Variants in GPNMB observed in about 807,000 individuals in gnomAD.
The protein encoded by GPNMB is transmembrane glycoprotein NMB.
Under a neutral mutation model 57.3 loss-of-function variants are expected in GPNMB, and 71 were observed. That is an observed-to-expected ratio of 1.24 (90% CI 1.02 to 1.51). The LOEUF (loss-of-function observed/expected upper bound fraction) is 1.51, where lower values mean the gene tolerates loss of function less well. Ranked by LOEUF, GPNMB falls within the 40% of genes most tolerant of loss-of-function variation. The pLI is 0.00. For missense variants in GPNMB, 677 were observed against 691.9 expected (o/e 0.98, Z 0.24); for synonymous variants, 253 against 263.2 (o/e 0.96, Z 0.38).
intron 9 of GPNMB, among the ~76,000 whole-genome samples, chr7:23,272,534 C>G (rs1185852105): frequency 6.6e-6 from 1 of 152,118 alleles, no homozygotes; most frequent in African/African-American, 2.4e-5. Context: ...AATGAATGCT[C>G]AGAAGGAAAG....
At chr7:23,262,611 T>TCTC (rs1296501827) in intron 6 of GPNMB, among the ~76,000 whole-genome samples, 1 of 49,786 alleles carries the variant, frequency 2.0e-5, no homozygotes, top group Non-Finnish European at 3.6e-5. Context: ...CCATTCTCTT[T>TCTC]TTTTTTTTTT....
chr7:23,257,244 A>G, intron 4 of GPNMB, 179 bp downstream of exon 4: 2 of 650,730 alleles, frequency 3.1e-6, no homozygotes, highest in East Asian at 5.3e-5. Context: ...TAACCTTGCC[A>G]AATCTCCAGG....
chr7:23,273,644 A>G (rs531800146), intron 10 of GPNMB, 30 bp downstream of exon 10: 2 of 1,271,090 alleles, frequency 1.6e-6, no homozygotes, highest in South Asian at 2.4e-5. Context: ...GCTTTATATC[A>G]CTATAGTGTA....
At chr7:23,262,250 T>C (rs1156472240) in intron 6 of GPNMB, among the ~76,000 whole-genome samples, 1 of 152,238 alleles carries the variant, frequency 6.6e-6, no homozygotes, top group Non-Finnish European at 1.5e-5. Context: ...AGTTTATGCA[T>C]GTTCCTTAGT....
chr7:23,247,955 A>G (rs928555394), intron 1 of GPNMB: 2 of 152,310 alleles, frequency 1.3e-5, no homozygotes, highest in African/African-American at 4.8e-5. Flanking sequence ...GCCACGGGCC[A>G]CAGAGTGGGC....
chr7:23,249,113 G>T (rs1486069235), intron 1 of GPNMB, among the ~76,000 whole-genome samples: 2 of 152,064 alleles, frequency 1.3e-5, no homozygotes, highest in African/African-American at 4.8e-5. Flanking sequence ...GTAGAGACAG[G>T]GTTTTGCCAT....
chr7:23,266,299 G>A, intron 6 of GPNMB: 1 of 542,532 alleles, frequency 1.8e-6, no homozygotes, highest in Non-Finnish European at 3.3e-6. Context: ...GTGGGATTAT[G>A]CTTCCTTACA....
Position 23,260,440 on chromosome 7 carries a change from G to A in GPNMB, c.701-16G>A, listed in dbSNP as rs1562637632. The A allele has an allele frequency of 3.8e-6, 6 of 1,579,874 alleles. No homozygotes were observed. The highest frequency in any genetic ancestry group is 1.7e-5 in the Admixed American group (1 of 58,006). On this transcript the variant is annotated splice_polypyrimidine_tract_variant and intron_variant, in intron 5 of 10. Coordinates refer to ENST00000258733, the MANE Select transcript of GPNMB (RefSeq NM_002510.3). ...AATCATGCATTCTTTATTTCTTTGGGGGATGTATCTTTTAGATCAGATTCC... is the reference window on the plus strand; with the variant it reads ...AATCATGCATTCTTTATTTCTTTGGAGGATGTATCTTTTAGATCAGATTCC...
In GPNMB at chr7:23,260,590, A is replaced by G. The variant is rs781501299; in HGVS notation, c.835A>G (p.Ile279Val). ...DPSHFLNYST[I>V]NYKWSFGDNT... ...TAGCCACTTCCTCAATTATTCTACC[A>G]TTAACTACAAGTGGAGCTTCGGGGA... The change falls in exon 6 of 11, where the codon ATT becomes GTT. Residue 279 changes from isoleucine (I) to valine (V), a missense_variant. By Grantham distance (29) the Ile-to-Val change is conservative. Transcript: ENST00000258733. The G allele has an allele frequency of 2.5e-6, 4 of 1,613,890 alleles. No individual in the cohort carries two copies. The highest frequency in any genetic ancestry group is 1.7e-5 in the Admixed American group (1 of 60,002).
At chr7:23,247,267 A>G in intron 1 of GPNMB, 1 of 326,932 alleles carries the variant, frequency 3.1e-6, no homozygotes, top group South Asian at 3.0e-5. Flanking sequence ...TCCACCAACT[A>G]AACTATGTCC....
intron 3 of GPNMB, among the ~76,000 whole-genome samples, chr7:23,255,608 G>T (rs1464037150): frequency 2.0e-5 from 3 of 151,946 alleles, no homozygotes; most frequent in Non-Finnish European, 4.4e-5. Flanking sequence ...TCTATTTTTA[G>T]TTTTTTGAGG....
At chr7:23,273,724 A>G in intron 10 of GPNMB, 110 bp downstream of exon 10, 2 of 721,912 alleles carry the variant, frequency 2.8e-6, no homozygotes, top group Non-Finnish European at 4.8e-6. Context: ...CATTTTGTGT[A>G]GGGGAGGAAA....
At position 23,246,874 on chromosome 7, in the gene GPNMB, A is replaced by G. The variant is rs980223215; in HGVS notation, c.17A>G (p.Tyr6Cys). ...GAATTCAGCATGGAATGTCTCTACT[A>G]TTTCCTGGGATTTCTGCTCCTGGCT... is the stretch of plus-strand genomic sequence containing the variant. MECLY[Y>C]FLGFLLLAAR... The change falls in exon 1 of 11, where the codon TAT (tyrosine) becomes TGT (cysteine). Residue 6 changes from tyrosine to cysteine, a missense_variant. Physicochemically the swap from Tyr to Cys is radical, Grantham distance 194 (BLOSUM62 -2). Coordinates refer to ENST00000258733, the MANE Select transcript of GPNMB (RefSeq NM_002510.3). The G allele has an allele frequency of 2.5e-6, 4 of 1,613,718 alleles. No homozygotes were observed. Among genetic ancestry groups the G allele is most frequent in the Admixed American group, 1.7e-5 (1 of 59,998 alleles).
Position 23,254,199 on chromosome 7 carries a change from A to C in GPNMB, c.254A>C (p.Asp85Ala). ...CGTGTGCAGGCGGTCCTGACCAGTG[A>C]CTCACCAGCCCTCGTGGGCTCAAAT... is the stretch of plus-strand genomic sequence containing the variant. ...GGRVQAVLTS[D>A]SPALVGSNIT... Residue 85 changes from aspartate to alanine, a missense_variant, in exon 3 of 11, where the codon GAC (aspartate) becomes GCC (alanine). Asp to Ala is a moderately radical substitution (Grantham distance 126). Coordinates refer to ENST00000258733, the MANE Select transcript of GPNMB (RefSeq NM_002510.3). 2 of 1,614,060 alleles carry C rather than the reference A, an allele frequency of 1.2e-6. No individual in the cohort carries two copies. Among genetic ancestry groups the C allele is most frequent in the Non-Finnish European group, 1.7e-6 (2 of 1,179,966 alleles).
At chr7:23,257,147 A>G (rs1270828396) in intron 4 of GPNMB, 82 bp downstream of exon 4, 2 of 1,186,254 alleles carry the variant, frequency 1.7e-6, no homozygotes, top group Non-Finnish European at 2.5e-6. Flanking sequence ...TATAATTGAG[A>G]ATGATAACAC....
In GPNMB at chr7:23,246,862, A is replaced by G. The variant is rs201779058; in HGVS notation, c.5A>G (p.Glu2Gly). 6.2e-7 allele frequency: 1 copy of G among 1,613,246 alleles called. No individual in the cohort carries two copies. The highest frequency in any genetic ancestry group is 2.2e-5 in the East Asian group (1 of 44,874). The change falls in exon 1 of 11, where the codon GAA (glutamate) becomes GGA (glycine). Residue 2 changes from glutamate to glycine, a missense_variant. Physicochemically the swap from Glu to Gly is moderately conservative, Grantham distance 98 (BLOSUM62 -2). Transcript: ENST00000258733. MECLYYFLGFLL... is the reference protein window; with the variant it reads MGCLYYFLGFLL... Reference sequence around the variant, plus strand: ...CTGCGTCCGTGAGAATTCAGCATGGAATGTCTCTACTATTTCCTGGGATTT... The same window carrying G: ...CTGCGTCCGTGAGAATTCAGCATGGGATGTCTCTACTATTTCCTGGGATTT...
intron 6 of GPNMB, among the ~76,000 whole-genome samples, chr7:23,263,278 A>G (rs185625238): frequency 6.6e-6 from 1 of 152,250 alleles, no homozygotes; most frequent in Admixed American, 6.5e-5. Context: ...AAGCTATTTA[A>G]AATTTCTGTT....
intron 6 of GPNMB, among the ~76,000 whole-genome samples, chr7:23,264,108 A>C (rs1782999603): frequency 6.6e-6 from 1 of 152,076 alleles, no homozygotes; most frequent in Non-Finnish European, 1.5e-5. Context: ...AAAAAAAAAA[A>C]AAAACCTTTT....
rs1424183903 is a variant in GPNMB at position 23,253,371 on chromosome 7, T to C, written c.135T>C (p.Asn45=). 2.5e-6 allele frequency: 4 copies of C among 1,613,764 alleles called. No homozygotes were observed. Among genetic ancestry groups the C allele is most frequent in the Non-Finnish European group, 3.4e-6 (4 of 1,179,626 alleles). ...ACATGAGGGAGCACAATCAATTAAA[T>C]GGCTGGTCTTCTGATGAAAATGACT... is the stretch of plus-strand genomic sequence containing the variant. The part of the protein sequence containing the change: ...SAYMREHNQL[N]GWSSDENDWN... Residue 45 remains asparagine, a synonymous_variant, in exon 2 of 11, where the codon AAT becomes AAC. Coordinates refer to ENST00000258733, the MANE Select transcript of GPNMB (RefSeq NM_002510.3).
Sources: allele counts gnomAD v4.1 joint callset (sites outside exome capture counted in the v4.1 genomes callset), GRCh38; gene constraint gnomAD v4.1.1; transcripts MANE v1.5; gene names NCBI Gene and HGNC (gene_info 2026-07-23, HGNC 2026-07-21).